KAZN: variants seen among roughly 807,000 people sequenced by gnomAD.
KAZN encodes kazrin, periplakin interacting protein.
A neutral mutation model predicts 87.4 loss-of-function variants in KAZN; 40 were observed. That is an observed-to-expected ratio of 0.46 (90% CI 0.36 to 0.60). KAZN has a LOEUF of 0.60. Among genes scored for constraint, KAZN ranks in the 20% least tolerant of loss-of-function variants. The pLI is 0.00. For missense variants in KAZN, 898 were observed against 1,073.9 expected, an observed-to-expected ratio of 0.84 and a Z score of 2.29; for synonymous variants, 466 against 458.3, an observed-to-expected ratio of 1.02 and a Z score of -0.22.
intron 1 of KAZN, among the ~76,000 whole-genome samples, chr1:14,951,441 C>T (rs1662469102): frequency 7.1e-6 from 1 of 140,302 alleles, no homozygotes; most frequent in Non-Finnish European, 1.6e-5. Flanking sequence ...CATTGTGTCT[C>T]TGTCTTTTTT....
intron 1 of KAZN, among the ~76,000 whole-genome samples, chr1:14,932,807 A>G (rs1660003729): frequency 6.6e-6 from 1 of 151,762 alleles, no homozygotes; most frequent in Non-Finnish European, 1.5e-5. Flanking sequence ...AATTTTTTGT[A>G]TTATGGTAAA....
intron 8 of KAZN, chr1:15,067,454 C>G (rs1474077335): frequency 1.0e-6 from 1 of 985,322 alleles, no homozygotes; most frequent in African/African-American, 1.7e-5. Context: ...GTGAGCTGTT[C>G]AGCAAGGTCT....
chr1:14,224,381 A>G (rs1429981994), intron 2 of KAZN, among the ~76,000 whole-genome samples: 1 of 152,222 alleles, frequency 6.6e-6, no homozygotes, highest in African/African-American at 2.4e-5. Context: ...CTGACAATGA[A>G]GAGTAGAACA....
At chr1:14,656,441 T>C (rs923797593) in intron 1 of KAZN, among the ~76,000 whole-genome samples, 11 of 152,132 alleles carry the variant, frequency 7.2e-5, no homozygotes, top group Admixed American at 2.0e-4. Context: ...ATACCAACAA[T>C]TGCCACCCAG....
At chr1:15,059,228 T>G (rs1186629959) in intron 5 of KAZN, among the ~76,000 whole-genome samples, 3 of 151,798 alleles carry the variant, frequency 2.0e-5, no homozygotes, top group Non-Finnish European at 4.4e-5. Context: ...TGAGCCACCA[T>G]GCCCAGCCAA....
intron 2 of KAZN, among the ~76,000 whole-genome samples, chr1:14,397,923 C>T (rs577692153): frequency 5.3e-4 from 80 of 150,384 alleles, no homozygotes; most frequent in South Asian, 1.7e-3. Context: ...TAAGGCTTCA[C>T]GAGTCCTTGC....
chr1:14,323,265 C>CA (rs138878973), intron 2 of KAZN, among the ~76,000 whole-genome samples: 3,500 of 152,060 alleles, frequency 0.023, 144 homozygotes, highest in African/African-American at 0.08. Flanking sequence ...TTTGCATGGC[C>CA]AATCAAGCCA....
intron 2 of KAZN, among the ~76,000 whole-genome samples, chr1:15,007,753 C>T (rs1202335222): frequency 6.6e-6 from 1 of 152,242 alleles, no homozygotes; most frequent in Non-Finnish European, 1.5e-5. Flanking sequence ...AGACTGGGAA[C>T]AGCGCACTCC....
At chr1:14,842,042 C>G (rs1648081907) in intron 1 of KAZN, among the ~76,000 whole-genome samples, 1 of 152,206 alleles carries the variant, frequency 6.6e-6, no homozygotes, top group East Asian at 1.9e-4. Flanking sequence ...CCTTCCCTAA[C>G]TGCAGCTTCC....
intron 1 of KAZN, among the ~76,000 whole-genome samples, chr1:13,903,912 G>C (rs1360190347): frequency 2.0e-5 from 3 of 152,152 alleles, no homozygotes; most frequent in Non-Finnish European, 4.4e-5. Context: ...GGGTCCCTCT[G>C]AGTCCCTGGG....
intron 1 of KAZN, among the ~76,000 whole-genome samples, chr1:14,764,016 T>C (rs906029238): frequency 1.3e-5 from 2 of 152,234 alleles, no homozygotes; most frequent in African/African-American, 4.8e-5. Flanking sequence ...CCCAAAGTGC[T>C]GAGATTACAG....
At chr1:14,941,892 G>A (rs374724865) in intron 1 of KAZN, among the ~76,000 whole-genome samples, 4 of 152,082 alleles carry the variant, frequency 2.6e-5, no homozygotes, top group East Asian at 1.9e-4. Context: ...ACTAGAACCC[G>A]GCATTGGTCT....
chr1:14,238,517 G>A (rs1648625549), intron 2 of KAZN, among the ~76,000 whole-genome samples: 1 of 152,228 alleles, frequency 6.6e-6, no homozygotes, highest in African/African-American at 2.4e-5. Flanking sequence ...CATCAGGCCT[G>A]GTGGTCACAT....
chr1:13,996,833 C>G (rs943399526), intron 1 of KAZN, among the ~76,000 whole-genome samples: 5 of 152,074 alleles, frequency 3.3e-5, no homozygotes, highest in African/African-American at 1.2e-4. Flanking sequence ...GCGAAGCACA[C>G]CCCCCTCCGC....
intron 14 of KAZN, 46 bp downstream of exon 14, chr1:15,112,587 A>AAGGTCTTTTTTTTCTTCTCCCAGAGC: frequency 7.7e-7 from 1 of 1,293,608 alleles, no homozygotes. Context: ...AGACCCGGGA[A>AAGGTCTTTTTTTTCTTCTCCCAGAGC]AGGTCTTTTT....
At chr1:14,499,085 A>G (rs1670103159) in intron 2 of KAZN, among the ~76,000 whole-genome samples, 1 of 152,154 alleles carries the variant, frequency 6.6e-6, no homozygotes, top group Admixed American at 6.5e-5. Flanking sequence ...TGCCAAGCAG[A>G]ATCCCCAGCA....
chr1:14,395,005 T>C (rs995158427), intron 2 of KAZN, among the ~76,000 whole-genome samples: 1 of 152,192 alleles, frequency 6.6e-6, no homozygotes, highest in Non-Finnish European at 1.5e-5. Flanking sequence ...AAAGACTGCC[T>C]AACTCACCTC....
intron 2 of KAZN, among the ~76,000 whole-genome samples, chr1:14,548,262 G>A (rs967501209): frequency 1.3e-5 from 2 of 149,008 alleles, no homozygotes; most frequent in Admixed American, 6.7e-5. Flanking sequence ...GCAGTGGTGC[G>A]ATCTCGGCTC....
intron 2 of KAZN, among the ~76,000 whole-genome samples, chr1:14,257,959 TAAA>T (rs1168366132): frequency 5.2e-4 from 15 of 28,744 alleles, no homozygotes; most frequent in African/African-American, 1.6e-3. Context: ...AAAAAAACAT[TAAA>T]AAAAAAAAAA....
Sources: gnomAD v4.1 joint callset for allele counts (sites outside exome capture counted in the v4.1 genomes callset) on GRCh38, gnomAD v4.1.1 for gene constraint, MANE v1.5 for transcripts, NCBI Gene and HGNC (gene_info 2026-07-23, HGNC 2026-07-21) for gene names.